The following PCDH15 variants were observed in gnomAD, a reference collection of about 807,000 sequenced individuals.
The protein encoded by PCDH15 is protocadherin-15.
Under a neutral mutation model 178.5 loss-of-function variants are expected in PCDH15, and 129 were observed. That is an observed-to-expected ratio of 0.72 (90% CI 0.63 to 0.84). The LOEUF (loss-of-function observed/expected upper bound fraction) is 0.84, where lower values mean the gene tolerates loss of function less well. PCDH15 is among the 40% of genes least tolerant of loss of function. The pLI, the probability that PCDH15 is intolerant of heterozygous loss-of-function variation, is 0.00. For missense variants in PCDH15, 2,230 were observed against 2,099.9 expected (o/e 1.06, Z -1.21); for synonymous variants, 800 against 732.0 (o/e 1.09, Z -1.50).
chr10:54,390,477 A>G (rs1589170266), intron 3 of PCDH15, among the ~76,000 whole-genome samples: 1 of 152,112 alleles, frequency 6.6e-6, no homozygotes, highest in South Asian at 2.1e-4. Flanking sequence ...GTATGTTTTT[A>G]GTAGAGACAG....
intron 3 of PCDH15, among the ~76,000 whole-genome samples, chr10:54,386,098 A>AG (rs2135212953): frequency 9.2e-6 from 1 of 108,976 alleles, no homozygotes; most frequent in African/African-American, 3.6e-5. Context: ...TTTAGTTATT[A>AG]GTTGTGTGTG....
At chr10:54,937,167 T>C (rs1008040686) in intron 2 of PCDH15, among the ~76,000 whole-genome samples, 1 of 152,016 alleles carries the variant, frequency 6.6e-6, no homozygotes, top group African/African-American at 2.4e-5. Context: ...GAATTCTGAA[T>C]TCTGTGTCTA....
intron 26 of PCDH15, among the ~76,000 whole-genome samples, chr10:53,877,391 G>C (rs1345031668): frequency 6.6e-6 from 1 of 152,088 alleles, no homozygotes; most frequent in Non-Finnish European, 1.5e-5. Flanking sequence ...CTTTTTACTT[G>C]AGAGGAAACA....
chr10:54,730,486 C>A (rs895275962), intron 1 of PCDH15, among the ~76,000 whole-genome samples: 2 of 151,472 alleles, frequency 1.3e-5, no homozygotes, highest in Non-Finnish European at 3.0e-5. Context: ...GTACACCAAG[C>A]CCCCATGGCA....
intron 2 of PCDH15, among the ~76,000 whole-genome samples, chr10:55,367,634 A>G (rs1180897261): frequency 6.6e-6 from 1 of 152,014 alleles, no homozygotes; most frequent in African/African-American, 2.4e-5. Context: ...CAAAAAAAAG[A>G]GGTTCAGAGA....
chr10:55,162,988 T>G (rs1839103310), intron 2 of PCDH15, among the ~76,000 whole-genome samples: 1 of 152,144 alleles, frequency 6.6e-6, no homozygotes, highest in African/African-American at 2.4e-5. Context: ...TTCTACAGAC[T>G]TTTGCATTTC....
At chr10:55,044,657 AT>A in intron 2 of PCDH15, among the ~76,000 whole-genome samples, 1 of 152,244 alleles carries the variant, frequency 6.6e-6, no homozygotes, top group South Asian at 2.1e-4. Context: ...TTAGAACTTA[AT>A]TATGTACTAT....
intron 2 of PCDH15, among the ~76,000 whole-genome samples, chr10:55,459,183 G>A (rs905774098): frequency 1.5e-5 from 2 of 136,468 alleles, no homozygotes; most frequent in African/African-American, 5.7e-5. Flanking sequence ...AAGTCTGAAG[G>A]ACCCTAAATA....
chr10:53,822,114 C>T (rs780756192), intron 32 of PCDH15: 3 of 1,613,596 alleles, frequency 1.9e-6, no homozygotes, highest in Non-Finnish European at 2.5e-6. Context: ...GTCTGTTTTA[C>T]ACACTGTCGT....
chr10:55,577,201 C>G (rs1205873987), intron 2 of PCDH15, among the ~76,000 whole-genome samples: 1 of 152,226 alleles, frequency 6.6e-6, no homozygotes, highest in South Asian at 2.1e-4. Flanking sequence ...CAAGATTGCA[C>G]CACTGCACTC....
intron 3 of PCDH15, among the ~76,000 whole-genome samples, chr10:54,887,919 A>T (rs536517344): frequency 6.6e-6 from 1 of 152,154 alleles, no homozygotes. Flanking sequence ...TAGATGTCAT[A>T]TTCTGCTCTC....
intron 1 of PCDH15, among the ~76,000 whole-genome samples, chr10:54,666,765 G>C (rs1565894239): frequency 6.6e-6 from 1 of 151,888 alleles, no homozygotes; most frequent in Non-Finnish European, 1.5e-5. Context: ...TCTTAGCAAA[G>C]GACAAAAGGA....
chr10:55,185,797 T>G (rs1464914631), intron 1 of PCDH15, among the ~76,000 whole-genome samples: 1 of 151,684 alleles, frequency 6.6e-6, no homozygotes, highest in African/African-American at 2.4e-5. Flanking sequence ...TATATTGAGT[T>G]TTGTTATATG....
intron 9 of PCDH15, among the ~76,000 whole-genome samples, chr10:54,222,429 G>A (rs2052942040): frequency 1.3e-5 from 2 of 152,314 alleles, no homozygotes; most frequent in Middle Eastern, 3.4e-3. Flanking sequence ...ATGGAATTGT[G>A]TAGTATAAAG....
chr10:54,981,227 AGC>A (rs1294793535), intron 2 of PCDH15, among the ~76,000 whole-genome samples: 1 of 152,166 alleles, frequency 6.6e-6, no homozygotes, highest in African/African-American at 2.4e-5. Flanking sequence ...TGAAATCTCC[AGC>A]TTCCTCCCCT....
At chr10:54,326,398 T>A (rs1456396063) in intron 7 of PCDH15, among the ~76,000 whole-genome samples, 1 of 152,296 alleles carries the variant, frequency 6.6e-6, no homozygotes, top group Admixed American at 6.5e-5. Flanking sequence ...CACATATATA[T>A]GCATACATAT....
chr10:55,088,345 T>C (rs1842228802), intron 2 of PCDH15, among the ~76,000 whole-genome samples: 1 of 151,992 alleles, frequency 6.6e-6, no homozygotes, highest in South Asian at 2.1e-4. Context: ...CTTGGCTCAC[T>C]GCAACCTCCG....
chr10:54,881,175 A>T (rs958068099), intron 3 of PCDH15, among the ~76,000 whole-genome samples: 5 of 152,020 alleles, frequency 3.3e-5, no homozygotes, highest in African/African-American at 1.2e-4. Context: ...GTTTTTCTCC[A>T]GGGTAAAAGG....
chr10:54,863,034 T>A (rs1953872922), intron 3 of PCDH15, among the ~76,000 whole-genome samples: 1 of 152,206 alleles, frequency 6.6e-6, no homozygotes, highest in South Asian at 2.1e-4. Context: ...CTTTATTTAT[T>A]TTCTAACATC....
Sources: gnomAD v4.1 joint callset for allele counts (sites outside exome capture counted in the v4.1 genomes callset) on GRCh38, gnomAD v4.1.1 for gene constraint, MANE v1.5 for transcripts, NCBI Gene and HGNC (gene_info 2026-07-23, HGNC 2026-07-21) for gene names.